Variants in KCNIP1 observed in about 807,000 individuals in gnomAD.
KCNIP1 encodes potassium voltage-gated channel interacting protein 1.
In KCNIP1, 18 loss-of-function variants were observed where a neutral mutation model predicts 33.0. The ratio of observed to expected loss-of-function variants is 0.55; its 90% CI spans 0.38 to 0.81. The LOEUF is 0.81. KCNIP1 is among the 30% of genes least tolerant of loss of function. The probability of loss-of-function intolerance (pLI) is 0.00; values close to 1 mark genes in which losing one functional copy is unlikely to be tolerated. For missense variants in KCNIP1, 238 were observed against 271.6 expected, an observed-to-expected ratio of 0.88 and a Z score of 0.87; for synonymous variants, 93 against 98.3, an observed-to-expected ratio of 0.95 and a Z score of 0.32.
At chr5:170,574,295 C>T (rs185158530) in intron 1 of KCNIP1, among the ~76,000 whole-genome samples, 31 of 152,320 alleles carry the variant, frequency 2.0e-4, no homozygotes, top group Admixed American at 1.8e-3. Context: ...AAAAACATCA[C>T]CAAACTTCTA....
At chr5:170,716,370 C>A (rs1763645092) in intron 1 of KCNIP1, among the ~76,000 whole-genome samples, 1 of 152,132 alleles carries the variant, frequency 6.6e-6, no homozygotes, top group South Asian at 2.1e-4. Flanking sequence ...ATTTAAATTA[C>A]AATTCTTACT....
intron 1 of KCNIP1, among the ~76,000 whole-genome samples, chr5:170,393,805 T>G (rs1049725714): frequency 1.3e-5 from 2 of 152,192 alleles, no homozygotes; most frequent in African/African-American, 4.8e-5. Flanking sequence ...ATATTTTCCC[T>G]TGGCCTGATT....
Position 170,420,949 on chromosome 5 carries a change from C to T in KCNIP1, c.88+66985C>T, listed in dbSNP as rs7706807. ...TGGCTGGGGTCTGCCAGCCGGACAG[C>T]GAGGTCTAGCCCTGATCTGAGCAGG... On this transcript the variant is annotated intron_variant, in intron 1 of 7. Coordinates refer to the KCNIP1 transcript ENST00000377360. Among the ~76,000 whole-genome samples, 1,437 of 152,216 alleles carry T rather than the reference C, an allele frequency of 9.4e-3. 24 individuals are homozygous for T. The highest frequency in any genetic ancestry group is 0.032 in the African/African-American group (1,345 of 41,516).
intron 1 of KCNIP1, among the ~76,000 whole-genome samples, chr5:170,601,728 T>C (rs1402937486): frequency 6.6e-6 from 1 of 152,206 alleles, no homozygotes; most frequent in Non-Finnish European, 1.5e-5. Context: ...ATTCCTGTGC[T>C]CAGGAAGCCC....
intron 1 of KCNIP1, among the ~76,000 whole-genome samples, chr5:170,617,863 T>C (rs1759448881): frequency 1.3e-5 from 2 of 152,228 alleles, no homozygotes; most frequent in Admixed American, 6.5e-5. Context: ...ATTAAAGTGA[T>C]TGCATCTATT....
At chr5:170,715,588 GA>G (rs1371803493) in intron 1 of KCNIP1, among the ~76,000 whole-genome samples, 1 of 152,172 alleles carries the variant, frequency 6.6e-6, no homozygotes, top group Non-Finnish European at 1.5e-5. Context: ...CTCACAGTTA[GA>G]AAATCACTTC....
At chr5:170,598,941 GTT>G (rs1167715230) in intron 1 of KCNIP1, among the ~76,000 whole-genome samples, 11 of 149,568 alleles carry the variant, frequency 7.4e-5, no homozygotes, top group Admixed American at 2.0e-4. Flanking sequence ...GTGTGTGTGT[GTT>G]TGGTGGGGTG....
At chr5:170,517,440 G>A (rs1244844074) in intron 1 of KCNIP1, among the ~76,000 whole-genome samples, 1 of 152,186 alleles carries the variant, frequency 6.6e-6, no homozygotes, top group Non-Finnish European at 1.5e-5. Context: ...GTTGATGATG[G>A]CAGAGGTGTT....
At chr5:170,621,430 G>A (rs1191588156) in intron 1 of KCNIP1, among the ~76,000 whole-genome samples, 1 of 152,208 alleles carries the variant, frequency 6.6e-6, no homozygotes, top group Admixed American at 6.5e-5. Context: ...AGAGTGTGGT[G>A]TGGGGGAGAT....
intron 1 of KCNIP1, among the ~76,000 whole-genome samples, chr5:170,694,137 C>T (rs192875495): frequency 6.6e-6 from 1 of 152,270 alleles, no homozygotes; most frequent in East Asian, 1.9e-4. Flanking sequence ...CTTGCCTCAC[C>T]ACTGCCCACT....
chr5:170,670,136 C>T (rs1396837427), intron 1 of KCNIP1, among the ~76,000 whole-genome samples: 3 of 152,110 alleles, frequency 2.0e-5, no homozygotes, highest in Admixed American at 1.3e-4. Context: ...TGTGGACCAG[C>T]GCAGAACACA....
intron 1 of KCNIP1, among the ~76,000 whole-genome samples, chr5:170,642,429 A>C (rs982810632): frequency 1.4e-4 from 21 of 152,210 alleles, no homozygotes; most frequent in Non-Finnish European, 8.8e-5. Context: ...TGGCTGTGGA[A>C]GCCGATGGAC....
intron 1 of KCNIP1, chr5:170,385,617 C>A: frequency 3.9e-6 from 3 of 772,398 alleles, no homozygotes; most frequent in Non-Finnish European, 4.1e-6. Flanking sequence ...AGAAGTCTTG[C>A]TTTTTGGACC....
chr5:170,561,124 T>C (rs1180523055), intron 1 of KCNIP1: 1 of 456,024 alleles, frequency 2.2e-6, no homozygotes, highest in Admixed American at 2.3e-5. Context: ...ATGTGGGCAG[T>C]GATAAAGGAG....
At chr5:170,418,015 A>T (rs1447330074) in intron 1 of KCNIP1, among the ~76,000 whole-genome samples, 1 of 151,722 alleles carries the variant, frequency 6.6e-6, no homozygotes, top group Non-Finnish European at 1.5e-5. Context: ...CATGAGCACC[A>T]CTCTTTCACT....
At chr5:170,543,251 A>G (rs1178184806) in intron 1 of KCNIP1, among the ~76,000 whole-genome samples, 2 of 152,226 alleles carry the variant, frequency 1.3e-5, no homozygotes, top group African/African-American at 2.4e-5. Context: ...AGGTAAAAGA[A>G]AGTAGACACG....
chr5:170,543,309 C>T (rs1049272803), intron 1 of KCNIP1, among the ~76,000 whole-genome samples: 7 of 152,116 alleles, frequency 4.6e-5, no homozygotes, highest in African/African-American at 1.7e-4. Flanking sequence ...ACAAATACCA[C>T]TTAAAGAGAA....
At chr5:170,359,241 G>A (rs577178692) in intron 1 of KCNIP1, among the ~76,000 whole-genome samples, 2 of 152,144 alleles carry the variant, frequency 1.3e-5, no homozygotes, top group Admixed American at 6.5e-5. Context: ...CTTCTTACAG[G>A]CCAAGTGTGA....
At chr5:170,444,557 G>C (rs1756064783) in intron 1 of KCNIP1, among the ~76,000 whole-genome samples, 1 of 152,086 alleles carries the variant, frequency 6.6e-6, no homozygotes, top group Non-Finnish European at 1.5e-5. Context: ...TGAGGATGCG[G>C]ATGTCTTTAG....
Sources: gnomAD v4.1 joint callset for allele counts (sites outside exome capture counted in the v4.1 genomes callset) on GRCh38, gnomAD v4.1.1 for gene constraint, MANE v1.5 for transcripts, NCBI Gene and HGNC (gene_info 2026-07-23, HGNC 2026-07-21) for gene names.